The following NEBL variants were observed in gnomAD, a reference collection of about 807,000 sequenced individuals.
The protein encoded by NEBL is nebulette.
Under a neutral mutation model 140.2 loss-of-function variants are expected in NEBL, and 122 were observed. The ratio of observed to expected loss-of-function variants is 0.87; its 90% CI spans 0.75 to 1.01. NEBL has a LOEUF of 1.01. Among genes scored for constraint, NEBL ranks in the 50% least tolerant of loss-of-function variants. The probability of loss-of-function intolerance (pLI) is 0.00; values close to 1 mark genes in which losing one functional copy is unlikely to be tolerated. For synonymous variants in NEBL, 436 were observed against 398.9 expected (o/e 1.09, Z -1.11); for missense variants, 1,365 against 1,231.3 (o/e 1.11, Z -1.62).
At chr10:20,839,852 C>A (rs1417860557) in intron 13 of NEBL, among the ~76,000 whole-genome samples, 2 of 152,042 alleles carry the variant, frequency 1.3e-5, no homozygotes, top group African/African-American at 4.8e-5. Flanking sequence ...GATTACTGGC[C>A]ATAGATATGA....
chr10:21,188,877 A>G (rs1841524645), intron 3 of NEBL, among the ~76,000 whole-genome samples: 2 of 152,160 alleles, frequency 1.3e-5, no homozygotes, highest in Non-Finnish European at 1.5e-5. Context: ...GGTGTGAGCT[A>G]CCACGTTCGG....
At chr10:20,933,045 C>A (rs574493195) in intron 4 of NEBL, among the ~76,000 whole-genome samples, 94 of 152,034 alleles carry the variant, frequency 6.2e-4, no homozygotes, top group African/African-American at 1.9e-3. Flanking sequence ...TCAGAAAATG[C>A]ATGCACAAGT....
At chr10:21,221,498 A>ATTTCTTTCTTTC (rs10656407) in intron 3 of NEBL, among the ~76,000 whole-genome samples, 2 of 150,076 alleles carry the variant, frequency 1.3e-5, no homozygotes, top group African/African-American at 4.9e-5. Context: ...CAGATGTCTG[A>ATTTCTTTCTTTC]TTTCTTTCTT....
intron 3 of NEBL, among the ~76,000 whole-genome samples, chr10:21,230,410 A>T (rs559263473): frequency 6.1e-4 from 93 of 152,258 alleles, no homozygotes; most frequent in African/African-American, 2.1e-3. Flanking sequence ...AAGAAAGAAA[A>T]ATGTTAGTTT....
At chr10:21,210,985 CTG>C (rs1185701337) in intron 3 of NEBL, among the ~76,000 whole-genome samples, 1 of 152,166 alleles carries the variant, frequency 6.6e-6, no homozygotes, top group Non-Finnish European at 1.5e-5. Flanking sequence ...TTTGGAAACA[CTG>C]TAAAATATTA....
intron 11 of NEBL, among the ~76,000 whole-genome samples, chr10:20,846,860 A>C (rs562864179): frequency 2.0e-5 from 3 of 152,210 alleles, no homozygotes; most frequent in South Asian, 4.1e-4. Context: ...AAAAAAAAAA[A>C]CCTTTTGGGT....
At chr10:21,276,516 T>C (rs1342570949) in intron 1 of NEBL, among the ~76,000 whole-genome samples, 2 of 152,128 alleles carry the variant, frequency 1.3e-5, no homozygotes, top group Non-Finnish European at 2.9e-5. Flanking sequence ...AAGTAGAATA[T>C]GGTAGTTTGT....
intron 5 of NEBL, among the ~76,000 whole-genome samples, chr10:20,878,726 C>T (rs905583573): frequency 2.0e-5 from 3 of 152,302 alleles, no homozygotes; most frequent in South Asian, 2.1e-4. Flanking sequence ...TATGTACAAA[C>T]TTTGCATGCA....
At chr10:21,022,988 T>C (rs1838858932) in intron 2 of NEBL, among the ~76,000 whole-genome samples, 1 of 152,232 alleles carries the variant, frequency 6.6e-6, no homozygotes, top group Non-Finnish European at 1.5e-5. Flanking sequence ...ACTTCTGAAC[T>C]ATGTTCCAGA....
At chr10:20,990,665 A>G (rs185162323) in intron 3 of NEBL, among the ~76,000 whole-genome samples, 1 of 152,350 alleles carries the variant, frequency 6.6e-6, no homozygotes, top group Admixed American at 6.5e-5. Flanking sequence ...GATATCTCAG[A>G]GAACCAACAC....
At chr10:21,104,194 A>G (rs930654578) in intron 2 of NEBL, among the ~76,000 whole-genome samples, 10 of 152,318 alleles carry the variant, frequency 6.6e-5, no homozygotes, top group African/African-American at 1.9e-4. Flanking sequence ...ATCACATACT[A>G]TAAGTGTTCT....
intron 4 of NEBL, among the ~76,000 whole-genome samples, chr10:20,912,890 T>TC (rs1335614672): frequency 6.6e-6 from 1 of 150,892 alleles, no homozygotes; most frequent in Non-Finnish European, 1.5e-5. Context: ...TCTTTTTTTT[T>TC]TTTTTTTTTT....
intron 2 of NEBL, among the ~76,000 whole-genome samples, chr10:21,114,885 C>A (rs1374356472): frequency 2.6e-5 from 4 of 151,560 alleles, no homozygotes; most frequent in Non-Finnish European, 4.4e-5. Context: ...GAGTTTAGAC[C>A]ATTTACATTT....
intron 9 of NEBL, among the ~76,000 whole-genome samples, chr10:20,853,903 CAG>C (rs1842795273): frequency 1.3e-5 from 2 of 152,096 alleles, no homozygotes; most frequent in African/African-American, 4.8e-5. Flanking sequence ...ATGTTCCTAA[CAG>C]AAAGAAACGA....
intron 3 of NEBL, among the ~76,000 whole-genome samples, chr10:20,990,528 C>T (rs1837418611): frequency 6.6e-6 from 1 of 152,218 alleles, no homozygotes; most frequent in Non-Finnish European, 1.5e-5. Flanking sequence ...ACCAGATCTG[C>T]TGGCCCCTTG....
intron 3 of NEBL, among the ~76,000 whole-genome samples, chr10:20,888,933 T>G (rs1430953146): frequency 6.6e-6 from 1 of 152,236 alleles, no homozygotes; most frequent in Non-Finnish European, 1.5e-5. Flanking sequence ...ATGTTCTTCC[T>G]GCTCAGAGCT....
chr10:21,285,568 C>A (rs1055711711), intron 1 of NEBL, among the ~76,000 whole-genome samples: 1 of 152,198 alleles, frequency 6.6e-6, no homozygotes, highest in South Asian at 2.1e-4. Flanking sequence ...CCCCAACCAC[C>A]TTGGGGACAT....
intron 3 of NEBL, among the ~76,000 whole-genome samples, chr10:21,221,190 G>A (rs1158740968): frequency 1.3e-5 from 2 of 151,982 alleles, no homozygotes; most frequent in African/African-American, 4.8e-5. Context: ...TGAAGTGATG[G>A]ATAGGTTAAT....
intron 2 of NEBL, among the ~76,000 whole-genome samples, chr10:21,154,239 A>G (rs969408130): frequency 6.6e-6 from 1 of 151,992 alleles, no homozygotes; most frequent in African/African-American, 2.4e-5. Context: ...CAGGAAGATC[A>G]CCTGAGGTCA....
Sources: gnomAD v4.1 joint callset for allele counts (sites outside exome capture counted in the v4.1 genomes callset) on GRCh38, gnomAD v4.1.1 for gene constraint, MANE v1.5 for transcripts, NCBI Gene and HGNC (gene_info 2026-07-23, HGNC 2026-07-21) for gene names.